The following ZNF658 variants were observed in gnomAD, a reference collection of about 807,000 sequenced individuals.
ZNF658 encodes the protein zinc finger protein 658.
In ZNF658, 46 loss-of-function variants were observed where a neutral mutation model predicts 78.0. That is an observed-to-expected ratio of 0.59 (90% CI 0.47 to 0.75). The LOEUF is 0.75. Ranked by LOEUF, ZNF658 falls within the 30% of genes least tolerant of loss-of-function variation. ZNF658 has a pLI of 0.00. For synonymous variants in ZNF658, 279 were observed against 408.4 expected, an observed-to-expected ratio of 0.68 and a Z score of 3.82; for missense variants, 785 against 1,189.3, an observed-to-expected ratio of 0.66 and a Z score of 5.00.
chr9:66,908,335 T>A lies in ZNF658; in HGVS notation c.113T>A (p.Leu38Gln). Residue 38 changes from leucine to glutamine, a missense_variant, in exon 3 of 5, where the codon CTG (leucine) becomes CAG (glutamine). By Grantham distance (113) the Leu-to-Gln change is moderately radical. Transcript: ENST00000621410. ...VERTLYRDVM[L>Q]ENYSHLISVG... ...AGGACGCTGTACAGAGATGTGATGC[T>A]GGAGAACTACAGCCACCTCATCTCA... is the stretch of plus-strand genomic sequence containing the variant. The A allele has an allele frequency of 6.2e-7, 1 of 1,614,136 alleles. No homozygotes were observed. Among genetic ancestry groups the A allele is most frequent in the Non-Finnish European group, 8.5e-7 (1 of 1,180,002 alleles).
chr9:66,910,682 G>C (rs1409111926), intron 4 of ZNF658, among the ~76,000 whole-genome samples: 1 of 151,958 alleles, frequency 6.6e-6, no homozygotes, highest in East Asian at 1.9e-4. Flanking sequence ...TGTAGTCTCA[G>C]CTACTTGGGA....
chr9:66,914,963 A>G (rs1341034166), intron 4 of ZNF658, among the ~76,000 whole-genome samples: 5 of 151,988 alleles, frequency 3.3e-5, no homozygotes, highest in Admixed American at 1.3e-4. Context: ...TCTAGAAGAC[A>G]TTGTGTAGGA....
chr9:66,907,668 T>C (rs1305931851), intron 2 of ZNF658, among the ~76,000 whole-genome samples: 2 of 152,258 alleles, frequency 1.3e-5, no homozygotes, highest in African/African-American at 2.4e-5. Context: ...TACAGCTAGA[T>C]TGAGTAGCTG....
In ZNF658 at chr9:66,908,742, G is replaced by A. The variant is rs748377947; in HGVS notation, c.238+8G>A. On this transcript the variant is annotated splice_region_variant and intron_variant, in intron 4 of 4. Transcript: ENST00000621410. ...TGAACCAGAGGTACCCAGGTGAGTG[G>A]GCATTAACAGAAGGAGCCCCCTGGG... The A allele has an allele frequency of 1.7e-5, 27 of 1,609,916 alleles. No homozygotes were observed. Among genetic ancestry groups the A allele is most frequent in the East Asian group, 1.1e-4 (5 of 44,860 alleles).
At chr9:66,906,952 G>T (rs1822095123) in intron 2 of ZNF658, among the ~76,000 whole-genome samples, 1 of 152,022 alleles carries the variant, frequency 6.6e-6, no homozygotes, top group African/African-American at 2.4e-5. Context: ...TGGATCTTCA[G>T]TATCTTCACC....
chr9:66,915,469 C>A (rs1318622044), intron 4 of ZNF658, among the ~76,000 whole-genome samples: 1 of 150,656 alleles, frequency 6.6e-6, no homozygotes, highest in African/African-American at 2.4e-5. Context: ...TCACTTTTCA[C>A]CATGTAAGGA....
Position 66,929,917 on chromosome 9 carries a change from G to T in ZNF658, c.*55-2108G>T, listed in dbSNP as rs1302895959. On this transcript the variant is annotated intron_variant and NMD_transcript_variant, in intron 6 of 6. Transcript: ENST00000622180. ...TCCTGCCTCAGCCTCCTGAGTAGCT[G>T]GGACTACAAGTGCCCGCCACCACGC... Among the ~76,000 whole-genome samples, 3 of 137,670 alleles carry T rather than the reference G, an allele frequency of 2.2e-5. No individual in the cohort carries two copies. The East Asian group carries it at 6.2e-4, about 29-fold the overall frequency. The allele number at this position is 137,670 out of a possible 152,430, so 90.3% of individuals were successfully genotyped here.
chr9:66,914,400 G>T (rs1053734443), intron 4 of ZNF658, among the ~76,000 whole-genome samples: 9 of 151,886 alleles, frequency 5.9e-5, no homozygotes, highest in Non-Finnish European at 1.2e-4. Flanking sequence ...GAACTTTTTT[G>T]ATTTTAAACT....
At chr9:66,913,486 G>T (rs562128700) in intron 4 of ZNF658, among the ~76,000 whole-genome samples, 5 of 151,984 alleles carry the variant, frequency 3.3e-5, no homozygotes, top group East Asian at 3.9e-4. Context: ...TCAGATCAGT[G>T]GGGAACTGGA....
At chr9:66,914,943 T>C (rs1461340929) in intron 4 of ZNF658, among the ~76,000 whole-genome samples, 2 of 152,192 alleles carry the variant, frequency 1.3e-5, no homozygotes, top group Non-Finnish European at 2.9e-5. Context: ...AAATATTCCA[T>C]CTTTTATTTT....
chr9:66,910,633 CCT>C (rs1822193192), intron 4 of ZNF658, among the ~76,000 whole-genome samples: 1 of 151,744 alleles, frequency 6.6e-6, no homozygotes, highest in Non-Finnish European at 1.5e-5. Context: ...ACGGTGAAAC[CCT>C]GTCTCTACTA....
At chr9:66,914,070 A>G (rs1048880060) in intron 4 of ZNF658, among the ~76,000 whole-genome samples, 2 of 151,184 alleles carry the variant, frequency 1.3e-5, no homozygotes, top group African/African-American at 4.9e-5. Flanking sequence ...CAAAGGAAAC[A>G]TGTTGGCATT....
chr9:66,931,847 G>C (rs1449882778), intron 6 of ZNF658, among the ~76,000 whole-genome samples: 1 of 148,112 alleles, frequency 6.8e-6, no homozygotes, highest in Admixed American at 6.8e-5. Flanking sequence ...TATTGAAGCA[G>C]TCACATTGGC....
chr9:66,926,396 AT>A (rs1377108845), downstream of ZNF658, among the ~76,000 whole-genome samples: 1 of 151,998 alleles, frequency 6.6e-6, no homozygotes, highest in Non-Finnish European at 1.5e-5. Flanking sequence ...TGATAAAAAA[AT>A]GTAAAAATCA....
intron 2 of ZNF658, among the ~76,000 whole-genome samples, chr9:66,906,020 CAGG>C (rs1564169302): frequency 6.8e-6 from 1 of 147,654 alleles, no homozygotes; most frequent in African/African-American, 2.6e-5. Flanking sequence ...TCTTGATTTG[CAGG>C]AGTTGTTGTT....
Position 66,919,128 on chromosome 9 carries a change from T to C in ZNF658, c.1562T>C (p.Ile521Thr), listed in dbSNP as rs1822430188. 1 of 534,016 alleles carries C rather than the reference T, an allele frequency of 1.9e-6. No homozygotes were observed. Among genetic ancestry groups the C allele is most frequent in the Non-Finnish European group, 3.0e-6 (1 of 329,296 alleles). The allele number at this position is 534,016 out of a possible 1,614,324, so 33.1% of individuals were successfully genotyped here. Residue 521 changes from isoleucine to threonine, a missense_variant, in exon 5 of 5, where the codon ATT becomes ACT. Physicochemically the swap from Ile to Thr is moderately conservative, Grantham distance 89. Coordinates refer to ENST00000621410, the MANE Select transcript of ZNF658 (RefSeq NM_033160.7). ...ILMGEKPYEC[I>T]ECGKTFSKTS... The stretch of plus-strand genomic sequence containing the variant: ...ATGGGGGAGAAACCCTATGAATGTA[T>C]TGAATGTGGGAAAACTTTCTCCAAG...
rs200462821 is a variant in ZNF658 at position 66,920,041 on chromosome 9, C to G, written c.2475C>G (p.Pro825=). 2.0e-4 allele frequency: 330 copies of G among 1,613,234 alleles called. 3 individuals carry two copies. The highest frequency in any genetic ancestry group is 1.5e-3 in the Middle Eastern group (8 of 5,462). Residue 825 remains proline (P), a synonymous_variant, in exon 5 of 5, where the codon CCC becomes CCG. Transcript: ENST00000621410. ...AAAGAATTCACACAGGGGAGAAACC[C>G]TATGAATGTAACCAATGTGGGAAAA... The part of the protein sequence containing the change: ...VHQRIHTGEK[P]YECNQCGKTF...
At position 66,918,399 on chromosome 9, in the gene ZNF658, C is replaced by G. The variant is rs1369138773; in HGVS notation, c.833C>G (p.Ser278Cys). The G allele has an allele frequency of 1.2e-6, 2 of 1,613,496 alleles. No homozygotes were observed. The highest frequency in any genetic ancestry group is 1.7e-6 in the Non-Finnish European group (2 of 1,179,724). The change falls in exon 5 of 5, where the codon TCC (serine) becomes TGC (cysteine). Residue 278 changes from serine (S) to cysteine (C), a missense_variant. Around this residue, in one of 12 missense-constraint regions of ZNF658, gnomAD observed 393 missense variants for 400.2 expected, o/e 0.98. Transcript: ENST00000621410. ...TCTGATCTTAATGAATATGGGACAT[C>G]CTGTGACAAAACCACCGCTGTTGAA... ...KCSDLNEYGT[S>C]CDKTTAVEYN...
chr9:66,912,132 CAAAAAAAAAA>C lies in ZNF658; in HGVS notation c.238+3407_238+3416del, dbSNP rs1204033388. ...TGGGCGACAGAGCAAGACCCCATCT[CAAAAAAAAAA>C]AAAAAAAAGACAAAAGAAAAAACAT... On this transcript the variant is annotated intron_variant, in intron 4 of 4. Coordinates refer to ENST00000621410, the MANE Select transcript of ZNF658 (RefSeq NM_033160.7). Among the ~76,000 whole-genome samples, 5 of 49,366 alleles carry C rather than the reference CAAAAAAAAAA, an allele frequency of 1.0e-4. 1 individual carries two copies. The allele number at this position is 49,366 out of a possible 152,430, so 32.4% of individuals were successfully genotyped here. A position where few individuals can be genotyped will look rare whatever the true frequency, so the allele number is the denominator to read the frequency against.
Sources: gnomAD v4.1 joint callset for allele counts (sites outside exome capture counted in the v4.1 genomes callset) on GRCh38, gnomAD v4.1.1 for gene constraint, gnomAD v4.1.1 regional missense constraint, MANE v1.5 for transcripts, NCBI Gene and HGNC (gene_info 2026-07-23, HGNC 2026-07-21) for gene names.